SHISAL2A: variants seen among roughly 807,000 people sequenced by gnomAD.
The protein encoded by SHISAL2A is shisa like 2A.
Under a neutral mutation model 11.5 loss-of-function variants are expected in SHISAL2A, and 18 were observed. The ratio of observed to expected loss-of-function variants is 1.57; its 90% CI spans 1.08 to 2.33. The LOEUF is 2.33. Ranked by LOEUF, SHISAL2A falls within the 30% of genes most tolerant of loss-of-function variation. The probability of loss-of-function intolerance (pLI) is 0.00; values close to 1 mark genes in which losing one functional copy is unlikely to be tolerated. For synonymous variants in SHISAL2A, 94 were observed against 99.6 expected (o/e 0.94, Z 0.34); for missense variants, 261 against 250.9 (o/e 1.04, Z -0.27).
downstream of SHISAL2A, among the ~76,000 whole-genome samples, chr1:52,658,752 G>A (rs1460870620): frequency 2.0e-5 from 3 of 152,230 alleles, no homozygotes; most frequent in South Asian, 2.1e-4. Context: ...TAACTTTGGC[G>A]ATGGCTTTTA....
rs1691800085 is a variant in SHISAL2A, at chr1:52,656,829, C to T, written c.362C>T (p.Thr121Ile). 1 of 1,613,914 alleles carries T rather than the reference C, an allele frequency of 6.2e-7. No individual in the cohort carries two copies. Among genetic ancestry groups the T allele is most frequent in the Non-Finnish European group, 8.5e-7 (1 of 1,179,882 alleles). ...EVSPDCQGVN[T>I]GMAAEVPKVS... is the part of the protein sequence containing the mutation. ...TCTCCTGACTGCCAAGGTGTGAACA[C>T]AGGCATGGCGGCAGAAGTGCCAAAA... The change falls in exon 3 of 3, where the codon ACA (threonine) becomes ATA (isoleucine). Residue 121 changes from threonine to isoleucine, a missense_variant. Coordinates refer to ENST00000517870, the MANE Select transcript of SHISAL2A (RefSeq NM_001042693.3).
intron 2 of SHISAL2A, among the ~76,000 whole-genome samples, chr1:52,645,240 G>C (rs989707022): frequency 6.6e-6 from 1 of 152,162 alleles, no homozygotes; most frequent in Non-Finnish European, 1.5e-5. Context: ...AGCTGTGACT[G>C]AGCAGCAAAA....
chr1:52,637,860 T>G (rs1691271721), intron 1 of SHISAL2A, among the ~76,000 whole-genome samples: 1 of 152,150 alleles, frequency 6.6e-6, no homozygotes, highest in Non-Finnish European at 1.5e-5. Context: ...TTTTTATCTT[T>G]CAGAGTCAGA....
chr1:52,648,425 A>C (rs939214621), intron 2 of SHISAL2A, among the ~76,000 whole-genome samples: 1 of 152,150 alleles, frequency 6.6e-6, no homozygotes, highest in Non-Finnish European at 1.5e-5. Context: ...TAGGGTATAG[A>C]TCATGCTATT....
intron 1 of SHISAL2A, among the ~76,000 whole-genome samples, chr1:52,634,068 C>G (rs889742014): frequency 1.3e-5 from 2 of 152,094 alleles, no homozygotes; most frequent in Non-Finnish European, 2.9e-5. Context: ...CCAAGGTGCC[C>G]TTCCTAATAT....
At chr1:52,645,475 C>T (rs1691479104) in intron 2 of SHISAL2A, among the ~76,000 whole-genome samples, 1 of 146,834 alleles carries the variant, frequency 6.8e-6, no homozygotes, top group South Asian at 2.2e-4. Flanking sequence ...GTGGCGTAAT[C>T]ATGGCTCACT....
chr1:52,645,932 A>G (rs905001948), intron 2 of SHISAL2A, among the ~76,000 whole-genome samples: 3 of 152,236 alleles, frequency 2.0e-5, no homozygotes, highest in African/African-American at 7.2e-5. Context: ...ACAATTTTGG[A>G]AAACAAAGAA....
chr1:52,665,978 C>G (rs1475242193), intron 4 of SHISAL2A, among the ~76,000 whole-genome samples: 1 of 152,222 alleles, frequency 6.6e-6, no homozygotes, highest in Non-Finnish European at 1.5e-5. Context: ...GGGCTGTGGA[C>G]TTGAGACCTG....
chr1:52,635,989 A>G (rs1691229267), intron 1 of SHISAL2A, among the ~76,000 whole-genome samples: 1 of 152,262 alleles, frequency 6.6e-6, no homozygotes, highest in Non-Finnish European at 1.5e-5. Context: ...CTTTCACAAC[A>G]TTCACCTAAA....
intron 2 of SHISAL2A, among the ~76,000 whole-genome samples, chr1:52,644,496 AGGT>A (rs1473578113): frequency 7.1e-6 from 1 of 141,460 alleles, no homozygotes; most frequent in Non-Finnish European, 1.5e-5. Context: ...AGGCCAAGGG[AGGT>A]GGATCACCTG....
At chr1:52,643,455 A>G (rs924765743) in intron 2 of SHISAL2A, among the ~76,000 whole-genome samples, 2 of 152,198 alleles carry the variant, frequency 1.3e-5, no homozygotes, top group African/African-American at 4.8e-5. Flanking sequence ...TTTCTTCATT[A>G]GTATAGGTTA....
At chr1:52,665,500 TATC>T (rs766707656) in intron 4 of SHISAL2A, among the ~76,000 whole-genome samples, 26 of 152,146 alleles carry the variant, frequency 1.7e-4, no homozygotes, top group Non-Finnish European at 3.1e-4. Flanking sequence ...CATTCAGACT[TATC>T]ATGAGCTCAT....
At chr1:52,665,404 G>C (rs1691992143) in intron 4 of SHISAL2A, among the ~76,000 whole-genome samples, 1 of 152,146 alleles carries the variant, frequency 6.6e-6, no homozygotes, top group Non-Finnish European at 1.5e-5. Context: ...ACAGAGGTCA[G>C]CAGGAGGATC....
Position 52,633,414 on chromosome 1 carries a change from G to C in SHISAL2A, c.-80G>C, listed in dbSNP as rs1159556820. On this transcript the variant is annotated 5_prime_UTR_variant, in exon 1 of 3. Coordinates refer to ENST00000517870, the MANE Select transcript of SHISAL2A (RefSeq NM_001042693.3). The surrounding 1 kb of genome is among the most constrained non-coding windows in gnomAD (Gnocchi z 6.4). ...CCGTTCTCAGGCTCAGCTCCGTCTC[G>C]CTCGGTCCCTCGCTTCCCCGCCGGG... 1.6e-6 allele frequency: 2 copies of C among 1,269,038 alleles called. No homozygotes were observed. Among genetic ancestry groups the C allele is most frequent in the African/African-American group, 1.6e-5 (1 of 62,916 alleles). The allele number at this position is 1,269,038 out of a possible 1,614,324, so 78.6% of individuals were successfully genotyped here.
At chr1:52,661,807 G>A (rs1317268664), downstream of SHISAL2A, among the ~76,000 whole-genome samples, 1 of 152,108 alleles carries the variant, frequency 6.6e-6, no homozygotes, top group African/African-American at 2.4e-5. Flanking sequence ...CAAGGAGGGC[G>A]GATAACCTGA....
At chr1:52,655,667 AATAGGC>A (rs1691776120) in intron 2 of SHISAL2A, among the ~76,000 whole-genome samples, 2 of 152,284 alleles carry the variant, frequency 1.3e-5, no homozygotes, top group Admixed American at 1.3e-4. Context: ...ATAGGTGGCA[AATAGGC>A]ACATGAAAAT....
In SHISAL2A at chr1:52,642,862, G is replaced by A. The variant is rs1317941524; in HGVS notation, c.183-1G>A. On this transcript the variant is annotated splice_acceptor_variant, in intron 1 of 2. Coordinates refer to ENST00000517870, the MANE Select transcript of SHISAL2A (RefSeq NM_001042693.3). LOFTEE classifies it high-confidence loss of function. ...GCTCCCATGTGGTCTTCTCTTCCCA[G>A]CATTGGCGCTCTCATAGGCCTGTCC... 6.2e-7 allele frequency: 1 copy of A among 1,612,794 alleles called. No individual in the cohort carries two copies.
chr1:52,643,056 A>G, intron 2 of SHISAL2A, 54 bp downstream of exon 2: 1 of 1,559,416 alleles, frequency 6.4e-7, no homozygotes, highest in Non-Finnish European at 8.8e-7. Flanking sequence ...CACCTTTTCA[A>G]GGGGGGAGAA....
chr1:52,641,313 A>G (rs1464040615), intron 1 of SHISAL2A, among the ~76,000 whole-genome samples: 1 of 152,120 alleles, frequency 6.6e-6, no homozygotes, highest in Non-Finnish European at 1.5e-5. Context: ...TGCAATTGGT[A>G]TGGGAGGGCA....
Sources: allele counts gnomAD v4.1 joint callset (sites outside exome capture counted in the v4.1 genomes callset), GRCh38; gene constraint gnomAD v4.1.1; non-coding constraint Gnocchi (gnomAD v3.1); transcripts MANE v1.5; gene names NCBI Gene and HGNC (gene_info 2026-07-23, HGNC 2026-07-21).